RAPGEF2: variants seen among roughly 807,000 people sequenced by gnomAD.
The protein encoded by RAPGEF2 is Rap guanine nucleotide exchange factor 2.
A neutral mutation model predicts 186.7 loss-of-function variants in RAPGEF2; 54 were observed. The ratio of observed to expected loss-of-function variants is 0.29; its 90% CI spans 0.23 to 0.36. The LOEUF is 0.36. RAPGEF2 is among the 10% of genes least tolerant of loss of function. RAPGEF2 has a pLI of 1.00. For missense variants in RAPGEF2, 1,532 were observed against 2,045.0 expected, an observed-to-expected ratio of 0.75 and a Z score of 4.84; for synonymous variants, 712 against 705.9, an observed-to-expected ratio of 1.01 and a Z score of -0.14.
At chr4:159,215,438 A>G (rs911190605) in intron 4 of RAPGEF2, among the ~76,000 whole-genome samples, 1 of 152,164 alleles carries the variant, frequency 6.6e-6, no homozygotes, top group Admixed American at 6.5e-5. Context: ...TTGACCTCCC[A>G]AAGTTCTGGG....
At chr4:159,165,973 AAAT>A (rs1745265103) in intron 1 of RAPGEF2, among the ~76,000 whole-genome samples, 1 of 152,188 alleles carries the variant, frequency 6.6e-6, no homozygotes, top group Non-Finnish European at 1.5e-5. Flanking sequence ...TTGAACAATG[AAAT>A]AAGAAATTAG....
At chr4:159,176,896 A>G (rs1219348616) in intron 1 of RAPGEF2, among the ~76,000 whole-genome samples, 1 of 152,224 alleles carries the variant, frequency 6.6e-6, no homozygotes, top group Non-Finnish European at 1.5e-5. Flanking sequence ...GTCTTGAGCT[A>G]TGGAAGGTAA....
chr4:159,337,889 C>CAAAAAAAAAGA, intron 17 of RAPGEF2, among the ~76,000 whole-genome samples: 1 of 32,584 alleles, frequency 3.1e-5, no homozygotes, highest in Admixed American at 4.2e-4. Context: ...GACTCCATCT[C>CAAAAAAAAAGA]AAAAAAAAAA....
At chr4:159,173,478 G>A (rs1198861274) in intron 1 of RAPGEF2, among the ~76,000 whole-genome samples, 1 of 152,194 alleles carries the variant, frequency 6.6e-6, no homozygotes, top group African/African-American at 2.4e-5. Context: ...CCTTTGTTGC[G>A]GAGATAGGAG....
At position 159,323,556 on chromosome 4, in the gene RAPGEF2, C is replaced by T. The variant is rs190132897; in HGVS notation, c.1088C>T (p.Ser363Phe). The T allele has an allele frequency of 6.2e-7, 1 of 1,612,528 alleles. No homozygotes were observed. The highest frequency in any genetic ancestry group is 1.3e-5 in the African/African-American group (1 of 74,926). Residue 363 changes from serine to phenylalanine, a missense_variant, in exon 11 of 30, where the codon TCT becomes TTT. Around this residue, in one of 4 missense-constraint regions of RAPGEF2, gnomAD observed 810 missense variants for 1,210.5 expected, o/e 0.67. Coordinates refer to ENST00000691494, the MANE Select transcript of RAPGEF2 (RefSeq NM_001394067.2). ...ILCMGNSFGV[S>F]PTMDKEYMKG... ...TGCATGGGAAATAGTTTTGGTGTCT[C>T]TCCTACCATGGACAAAGAATACATG...
chr4:159,337,759 G>A lies in RAPGEF2; in HGVS notation c.2136-552G>A, dbSNP rs554790542. ...AAAAAAATTAGCCGGGCATGGTGGC[G>A]GACGCCTGTAGTCCCAGCTACTCAG... On this transcript the variant is annotated intron_variant, in intron 17 of 29. Coordinates refer to ENST00000691494, the MANE Select transcript of RAPGEF2 (RefSeq NM_001394067.2). 1.1e-4 allele frequency among the ~76,000 whole-genome samples: 17 copies of A among 151,276 alleles called. No individual in the cohort carries two copies. The East Asian group carries it at 1.6e-3, about 14-fold the overall frequency.
Position 159,274,216 on chromosome 4 carries a change from T to C in RAPGEF2, c.544-30126T>C, listed in dbSNP as rs565116084. 3.3e-5 allele frequency among the ~76,000 whole-genome samples: 5 copies of C among 152,360 alleles called. No homozygotes were observed. The East Asian group carries it at 9.6e-4, about 29-fold the overall frequency. On this transcript the variant is annotated intron_variant, in intron 7 of 29. Coordinates refer to ENST00000691494, the MANE Select transcript of RAPGEF2 (RefSeq NM_001394067.2). ...ATTTTCTTTTGTTTAACAATAAAGG[T>C]AAAATCCTTTCACAGTTACTTTAAA...
chr4:159,352,967 A>G, intron 27 of RAPGEF2, 57 bp downstream of exon 27: 1 of 1,410,362 alleles, frequency 7.1e-7, no homozygotes, highest in Non-Finnish European at 9.7e-7. Context: ...TGTTTTAATA[A>G]TGAGTCTTTT....
chr4:159,357,274 T>G (rs1732166903), intron 29 of RAPGEF2, among the ~76,000 whole-genome samples: 1 of 152,040 alleles, frequency 6.6e-6, no homozygotes, highest in African/African-American at 2.4e-5. Flanking sequence ...AGTGGAAGGA[T>G]CACTTGAGCC....
chr4:159,149,712 A>T (rs1470427804), intron 1 of RAPGEF2, among the ~76,000 whole-genome samples: 1 of 152,170 alleles, frequency 6.6e-6, no homozygotes, highest in African/African-American at 2.4e-5. Flanking sequence ...TTCTGTGTGT[A>T]TAGTACTGTG....
At chr4:159,235,512 C>G (rs1220359495) in intron 4 of RAPGEF2, among the ~76,000 whole-genome samples, 1 of 152,200 alleles carries the variant, frequency 6.6e-6, no homozygotes, top group African/African-American at 2.4e-5. Context: ...TCTTACTGTT[C>G]TGGTTTTCTG....
chr4:159,350,524 T>A (rs1731024938), intron 26 of RAPGEF2, among the ~76,000 whole-genome samples: 1 of 152,196 alleles, frequency 6.6e-6, no homozygotes, highest in Non-Finnish European at 1.5e-5. Flanking sequence ...AGAAGCCTTT[T>A]AAAAATACAT....
chr4:159,123,239 C>T (rs1296243245), intron 1 of RAPGEF2, among the ~76,000 whole-genome samples: 3 of 152,162 alleles, frequency 2.0e-5, no homozygotes, highest in Non-Finnish European at 4.4e-5. Flanking sequence ...GTTCATAGGT[C>T]AGAAGTTACC....
At chr4:159,133,310 T>C (rs1741312946) in intron 1 of RAPGEF2, among the ~76,000 whole-genome samples, 1 of 152,212 alleles carries the variant, frequency 6.6e-6, no homozygotes, top group Non-Finnish European at 1.5e-5. Flanking sequence ...TAGAAGTGGC[T>C]TACAGGACTA....
chr4:159,219,958 T>G (rs989452367), intron 4 of RAPGEF2, among the ~76,000 whole-genome samples: 1 of 152,234 alleles, frequency 6.6e-6, no homozygotes, highest in African/African-American at 2.4e-5. Flanking sequence ...GAGATCCTCC[T>G]CATGTGCTAT....
chr4:159,343,231 G>A, intron 21 of RAPGEF2, 41 bp downstream of exon 21: 3 of 1,613,976 alleles, frequency 1.9e-6, no homozygotes, highest in Non-Finnish European at 2.5e-6. Flanking sequence ...GCTTGAAGAA[G>A]CACAGAATAA....
chr4:159,109,067 C>T (rs1032001570), intron 1 of RAPGEF2, among the ~76,000 whole-genome samples: 5 of 151,964 alleles, frequency 3.3e-5, no homozygotes, highest in African/African-American at 1.2e-4. Context: ...TAATGGGATG[C>T]GCCTCAGATA....
chr4:159,169,199 A>G (rs549680903), intron 1 of RAPGEF2, among the ~76,000 whole-genome samples: 9 of 152,056 alleles, frequency 5.9e-5, no homozygotes, highest in South Asian at 4.2e-4. Context: ...CTCCCAATCT[A>G]TGTGGAAATT....
chr4:159,155,943 C>G (rs1744071041), intron 1 of RAPGEF2, among the ~76,000 whole-genome samples: 1 of 152,098 alleles, frequency 6.6e-6, no homozygotes, highest in Admixed American at 6.5e-5. Flanking sequence ...TTATCAAAAA[C>G]TTATTGCCAA....
Sources: gnomAD v4.1 joint callset for allele counts (sites outside exome capture counted in the v4.1 genomes callset) on GRCh38, gnomAD v4.1.1 for gene constraint, gnomAD v4.1.1 regional missense constraint, MANE v1.5 for transcripts, NCBI Gene and HGNC (gene_info 2026-07-23, HGNC 2026-07-21) for gene names.